The following GRID2 variants were observed in gnomAD, a reference collection of about 807,000 sequenced individuals.
The protein encoded by GRID2 is glutamate receptor ionotropic, delta-2.
GRID2 carries 33 observed loss-of-function variants against 114.8 expected under a neutral mutation model. The observed-to-expected ratio is 0.29, with a 90% CI of 0.22 to 0.38. The LOEUF is 0.38. Ranked by LOEUF, GRID2 falls within the 10% of genes least tolerant of loss-of-function variation. The pLI, the probability that GRID2 is intolerant of heterozygous loss-of-function variation, is 1.00. For missense variants in GRID2, 1,184 were observed against 1,257.7 expected, an observed-to-expected ratio of 0.94 and a Z score of 0.89; for synonymous variants, 505 against 449.9, an observed-to-expected ratio of 1.12 and a Z score of -1.55.
chr4:93,677,075 A>G (rs35751231), intron 14 of GRID2, among the ~76,000 whole-genome samples: 50,483 of 151,910 alleles, frequency 0.33, 8,651 homozygotes, highest in East Asian at 0.6. Context: ...ACTCCCACCC[A>G]AATACTGCGC....
chr4:92,442,665 A>C (rs1030531365), intron 1 of GRID2, among the ~76,000 whole-genome samples: 3 of 151,990 alleles, frequency 2.0e-5, no homozygotes, highest in Admixed American at 1.3e-4. Flanking sequence ...TTGGGTAATA[A>C]AATGTATATT....
chr4:93,465,353 T>C (rs1724164629), intron 11 of GRID2, among the ~76,000 whole-genome samples: 3 of 152,234 alleles, frequency 2.0e-5, no homozygotes, highest in South Asian at 4.1e-4. Flanking sequence ...TAAAATTTTC[T>C]TTTATCTATA....
Position 93,524,834 on chromosome 4 carries a change from T to C in GRID2, c.2193+9423T>C, listed in dbSNP as rs983973841. Among the ~76,000 whole-genome samples, 22 of 108,532 alleles carry C rather than the reference T, an allele frequency of 2.0e-4. 1 individual carries two copies. The highest frequency in any genetic ancestry group is 6.4e-4 in the African/African-American group (15 of 23,534). 71.2% of individuals were successfully genotyped at this position (108,532 alleles called of 152,430 possible). On this transcript the variant is annotated intron_variant, in intron 13 of 15. Coordinates refer to ENST00000282020, the MANE Select transcript of GRID2 (RefSeq NM_001510.4). Reference sequence around the variant, plus strand: ...ATATATGTATGTATGTATATATATATATATATATATATATATGTATACAAA... The same window carrying C: ...ATATATGTATGTATGTATATATATACATATATATATATATATGTATACAAA...
At chr4:92,925,763 A>T (rs2149513330) in intron 2 of GRID2, among the ~76,000 whole-genome samples, 1 of 152,122 alleles carries the variant, frequency 6.6e-6, no homozygotes, top group East Asian at 1.9e-4. Flanking sequence ...CATAGTTTTA[A>T]AAGCTTCTGC....
At chr4:93,057,706 C>T (rs991692791) in intron 2 of GRID2, among the ~76,000 whole-genome samples, 3 of 151,726 alleles carry the variant, frequency 2.0e-5, no homozygotes, top group Non-Finnish European at 4.4e-5. Flanking sequence ...TTTATTTTAG[C>T]CTCAGAAGTG....
At chr4:92,308,265 T>C (rs192894431) in intron 1 of GRID2, among the ~76,000 whole-genome samples, 2 of 152,200 alleles carry the variant, frequency 1.3e-5, no homozygotes, top group Non-Finnish European at 2.9e-5. Flanking sequence ...AACAGTTTAA[T>C]ATATGCTCCT....
At chr4:93,231,390 C>CAAAAAA (rs34267723) in intron 7 of GRID2, among the ~76,000 whole-genome samples, 4 of 104,506 alleles carry the variant, frequency 3.8e-5, no homozygotes, top group Non-Finnish European at 5.7e-5. Flanking sequence ...CACCCCCTGC[C>CAAAAAA]AAAAAAAAAA....
intron 2 of GRID2, among the ~76,000 whole-genome samples, chr4:93,041,963 C>T (rs529982760): frequency 2.0e-5 from 3 of 152,104 alleles, no homozygotes; most frequent in Non-Finnish European, 2.9e-5. Context: ...AGTGCAATGG[C>T]GTGGTCTCGA....
chr4:92,839,300 G>C (rs971756219), intron 2 of GRID2, among the ~76,000 whole-genome samples: 8 of 150,920 alleles, frequency 5.3e-5, no homozygotes, highest in Admixed American at 5.3e-4. Context: ...TATGTTTTAG[G>C]GTACATGTGC....
intron 4 of GRID2, among the ~76,000 whole-genome samples, chr4:93,180,777 A>C (rs1739818739): frequency 6.6e-6 from 1 of 152,176 alleles, no homozygotes; most frequent in Non-Finnish European, 1.5e-5. Context: ...TCATTCATTC[A>C]AATTTAATCA....
intron 2 of GRID2, among the ~76,000 whole-genome samples, chr4:92,624,240 G>C (rs972096184): frequency 6.6e-6 from 1 of 151,848 alleles, no homozygotes; most frequent in Non-Finnish European, 1.5e-5. Context: ...CACAGAGGTG[G>C]AGTAAAGTGG....
intron 2 of GRID2, among the ~76,000 whole-genome samples, chr4:92,941,836 C>T (rs1344064921): frequency 6.6e-6 from 1 of 152,140 alleles, no homozygotes; most frequent in Non-Finnish European, 1.5e-5. Flanking sequence ...ACCCAGTAGT[C>T]ATTCAGGAGC....
intron 2 of GRID2, among the ~76,000 whole-genome samples, chr4:92,942,474 A>T (rs1179225636): frequency 6.6e-6 from 1 of 151,906 alleles, no homozygotes; most frequent in African/African-American, 2.4e-5. Context: ...TCTGCATGTG[A>T]GGTGGGTTTC....
At chr4:93,369,820 A>G (rs1232160440) in intron 8 of GRID2, among the ~76,000 whole-genome samples, 1 of 152,192 alleles carries the variant, frequency 6.6e-6, no homozygotes, top group Non-Finnish European at 1.5e-5. Context: ...GCATTAATAT[A>G]TACACAGGGC....
At chr4:92,793,776 T>C (rs1401548068) in intron 2 of GRID2, among the ~76,000 whole-genome samples, 2 of 151,888 alleles carry the variant, frequency 1.3e-5, no homozygotes, top group Non-Finnish European at 2.9e-5. Flanking sequence ...TACTTTTCAA[T>C]AGTGAAAATC....
chr4:92,778,777 G>A (rs1032019920), intron 2 of GRID2, among the ~76,000 whole-genome samples: 5 of 152,092 alleles, frequency 3.3e-5, no homozygotes, highest in African/African-American at 1.2e-4. Flanking sequence ...AATATTTACA[G>A]GCCATTTCCC....
In GRID2 at chr4:93,270,215, T is replaced by TACACACACAC. The variant is rs34945534; in HGVS notation, c.1245+31760_1245+31769dup. Among the ~76,000 whole-genome samples, 120 of 137,172 alleles carry TACACACACAC rather than the reference T, an allele frequency of 8.7e-4. 1 individual carries two copies. The highest frequency in any genetic ancestry group is 2.8e-3 in the African/African-American group (111 of 39,206). 90.0% of individuals were successfully genotyped at this position (137,172 alleles called of 152,430 possible). ...ATAATCTCTCTCTCTCACACACACATACACACACACACACACACACACACA... is the reference window on the plus strand; with the variant it reads ...ATAATCTCTCTCTCTCACACACACATACACACACACACACACACACACACACACACACACA... On this transcript the variant is annotated intron_variant, in intron 8 of 15. Transcript: ENST00000282020.
chr4:93,263,079 T>C (rs1403969154), intron 8 of GRID2, among the ~76,000 whole-genome samples: 1 of 151,964 alleles, frequency 6.6e-6, no homozygotes, highest in Non-Finnish European at 1.5e-5. Flanking sequence ...AAATAATTCA[T>C]TTTTCTCTTT....
At position 93,118,272 on chromosome 4, in the gene GRID2, C is replaced by T. The variant is rs114901164; in HGVS notation, c.735+7319C>T. Among the ~76,000 whole-genome samples the T allele has an allele frequency of 2.0e-3, 305 of 152,212 alleles. 2 individuals are homozygous for T. The highest frequency in any genetic ancestry group is 7.2e-3 in the African/African-American group (300 of 41,550). On this transcript the variant is annotated intron_variant, in intron 4 of 15. Transcript: ENST00000282020. ...CTGTTCCTTTTCTCATGGTTGTTGG[C>T]TCATATACGTATTCAATTCTTCATA... is the stretch of plus-strand genomic sequence containing the variant.
Sources: allele counts gnomAD v4.1 joint callset (sites outside exome capture counted in the v4.1 genomes callset), GRCh38; gene constraint gnomAD v4.1.1; transcripts MANE v1.5; gene names NCBI Gene and HGNC (gene_info 2026-07-23, HGNC 2026-07-21).